The following PRELID2 variants were observed in gnomAD, a reference collection of about 807,000 sequenced individuals.
PRELID2 encodes the protein PRELI domain-containing protein 2.
A neutral mutation model predicts 28.4 loss-of-function variants in PRELID2; 25 were observed. That is an observed-to-expected ratio of 0.88 (90% CI 0.64 to 1.23). The LOEUF (loss-of-function observed/expected upper bound fraction) is 1.23. Among genes scored for constraint, PRELID2 ranks in the 50% most tolerant of loss-of-function variants. The pLI is 0.00. For synonymous variants in PRELID2, 76 were observed against 71.6 expected, an observed-to-expected ratio of 1.06 and a Z score of -0.31; for missense variants, 201 against 214.4, an observed-to-expected ratio of 0.94 and a Z score of 0.39.
Position 145,688,128 on chromosome 5 carries a change from T to C in PRELID2, n.70+76803A>G, listed in dbSNP as rs186519160. Among the ~76,000 whole-genome samples the C allele has an allele frequency of 2.0e-5, 3 of 152,336 alleles. No individual in the cohort carries two copies. In the East Asian group the frequency reaches 5.8e-4, roughly 29 times the overall value. On this transcript the variant is annotated intron_variant and non_coding_transcript_variant, in intron 1 of 2. Coordinates refer to the PRELID2 transcript ENST00000510259. ...TCTTTGACACGATGCCTTCAGCTGC[T>C]GTGGGTGATGGGAAGGCTTTTAACC...
intron 1 of PRELID2, among the ~76,000 whole-genome samples, chr5:145,695,075 G>A (rs1755230980): frequency 1.3e-5 from 2 of 152,138 alleles, no homozygotes; most frequent in Admixed American, 1.3e-4. Flanking sequence ...ACTTTGCAAA[G>A]TATAAAATCT....
chr5:145,656,180 T>C (rs1210456186), intron 1 of PRELID2, among the ~76,000 whole-genome samples: 3 of 152,130 alleles, frequency 2.0e-5, no homozygotes, highest in Non-Finnish European at 2.9e-5. Flanking sequence ...GTCAGAGAAA[T>C]GCACATCAAA....
chr5:145,259,485 G>A, the PRELID2 span, among the ~76,000 whole-genome samples: 1 of 152,206 alleles, frequency 6.6e-6, no homozygotes, highest in African/African-American at 2.4e-5. Flanking sequence ...GCATTCTCTG[G>A]ATGTGGGATA....
rs563605710 is a variant in PRELID2, at chr5:145,729,193, T to C, written n.70+35738A>G. ...AAAGTATCATTTGTATCAGTGATGC[T>C]CTGGGTTTCGGAAGCATGCCAGAAT... On this transcript the variant is annotated intron_variant and non_coding_transcript_variant, in intron 1 of 2. Transcript: ENST00000510259. 2.5e-5 allele frequency: 18 copies of C among 719,622 alleles called. No individual in the cohort carries two copies. The East Asian group carries it at 4.5e-4, about 18-fold the overall frequency. 44.6% of individuals were successfully genotyped at this position (719,622 alleles called of 1,614,324 possible). A position where few individuals can be genotyped will look rare whatever the true frequency, so the allele number is the denominator to read the frequency against.
At chr5:145,250,261 A>AGT in the PRELID2 span, among the ~76,000 whole-genome samples, 1 of 152,146 alleles carries the variant, frequency 6.6e-6, no homozygotes, top group African/African-American at 2.4e-5. Context: ...TGCAATATGC[A>AGT]GTATTTTGCT....
intron 1 of PRELID2, among the ~76,000 whole-genome samples, chr5:145,745,346 C>T (rs184280140): frequency 7.2e-4 from 110 of 152,134 alleles, no homozygotes; most frequent in African/African-American, 2.4e-3. Context: ...CATGCAAATT[C>T]GGAAATAGAG....
At chr5:145,690,791 C>CAA (rs750081066) in intron 1 of PRELID2, among the ~76,000 whole-genome samples, 3 of 152,214 alleles carry the variant, frequency 2.0e-5, no homozygotes, top group Non-Finnish European at 2.9e-5. Context: ...TCTGCTCTTT[C>CAA]CCTATGTGCA....
chr5:145,495,817 C>T (rs1001785666), intron 1 of PRELID2, among the ~76,000 whole-genome samples: 4 of 152,136 alleles, frequency 2.6e-5, no homozygotes, highest in Non-Finnish European at 5.9e-5. Flanking sequence ...TAAGGTAGTA[C>T]GTGTTCTTTA....
the PRELID2 span, among the ~76,000 whole-genome samples, chr5:145,460,269 G>A: frequency 2.6e-5 from 4 of 152,190 alleles, no homozygotes; most frequent in East Asian, 5.8e-4. Context: ...TTCTTCATAC[G>A]CTGGCTAATC....
intron 1 of PRELID2, among the ~76,000 whole-genome samples, chr5:145,516,169 G>T (rs373905276): frequency 2.6e-5 from 4 of 152,126 alleles, no homozygotes; most frequent in Non-Finnish European, 4.4e-5. Flanking sequence ...AGAAATAAAG[G>T]TTATTCAAAT....
the PRELID2 span, among the ~76,000 whole-genome samples, chr5:145,364,059 A>T: frequency 6.6e-6 from 1 of 152,010 alleles, no homozygotes; most frequent in Admixed American, 6.6e-5. Flanking sequence ...TTTGAAACAG[A>T]TACCCAATAA....
At chr5:145,418,283 G>A in the PRELID2 span, among the ~76,000 whole-genome samples, 31 of 152,104 alleles carry the variant, frequency 2.0e-4, no homozygotes, top group Admixed American at 2.0e-3. Context: ...TGATTAGGAA[G>A]AATCAATATC....
At chr5:145,261,994 TAAGAA>T in the PRELID2 span, among the ~76,000 whole-genome samples, 8 of 151,980 alleles carry the variant, frequency 5.3e-5, no homozygotes, top group African/African-American at 1.9e-4. Flanking sequence ...ACAGCATAGA[TAAGAA>T]AACAATCACT....
chr5:145,829,739 A>G (rs1755457822), intron 1 of PRELID2, among the ~76,000 whole-genome samples: 3 of 152,216 alleles, frequency 2.0e-5, no homozygotes, highest in African/African-American at 7.2e-5. Flanking sequence ...AGTGGAACTG[A>G]GGACAGGAAG....
At chr5:145,352,476 C>T in the PRELID2 span, among the ~76,000 whole-genome samples, 1 of 152,108 alleles carries the variant, frequency 6.6e-6, no homozygotes, top group Admixed American at 6.6e-5. Flanking sequence ...GTCCCGAGGC[C>T]CCATAGAGAA....
chr5:145,706,125 A>G (rs1272627759), intron 1 of PRELID2, among the ~76,000 whole-genome samples: 2 of 152,236 alleles, frequency 1.3e-5, no homozygotes, highest in African/African-American at 4.8e-5. Flanking sequence ...GTTAAGTCAT[A>G]AAGTGTAGAT....
chr5:145,435,340 T>C, the PRELID2 span, among the ~76,000 whole-genome samples: 1 of 151,998 alleles, frequency 6.6e-6, no homozygotes, highest in African/African-American at 2.4e-5. Context: ...ATGATCTAGG[T>C]AGAGAACATT....
chr5:145,610,334 G>T (rs972406690), intron 1 of PRELID2, among the ~76,000 whole-genome samples: 5 of 152,144 alleles, frequency 3.3e-5, no homozygotes, highest in African/African-American at 9.7e-5. Flanking sequence ...CGCCTGCAGG[G>T]TTAGTGTTCA....
At chr5:145,716,746 G>A (rs1198700965) in intron 1 of PRELID2, among the ~76,000 whole-genome samples, 1 of 152,034 alleles carries the variant, frequency 6.6e-6, no homozygotes, top group Non-Finnish European at 1.5e-5. Context: ...GAATATTTTT[G>A]TAATATTAAT....
Sources: allele counts gnomAD v4.1 joint callset (sites outside exome capture counted in the v4.1 genomes callset), GRCh38; gene constraint gnomAD v4.1.1; transcripts MANE v1.5; gene names NCBI Gene and HGNC (gene_info 2026-07-23, HGNC 2026-07-21).